SLC22A12: variants seen among roughly 807,000 people sequenced by gnomAD.
SLC22A12 encodes the protein solute carrier family 22 member 12, also known as organic anion transporter 4-like protein.
In SLC22A12, 56 loss-of-function variants were observed where a neutral mutation model predicts 52.7. The observed-to-expected ratio is 1.06, with a 90% CI of 0.86 to 1.33. The LOEUF (loss-of-function observed/expected upper bound fraction) is 1.33. Among genes scored for constraint, SLC22A12 ranks in the 40% most tolerant of loss-of-function variants. The pLI is 0.00. For missense variants in SLC22A12, 683 were observed against 741.5 expected (o/e 0.92, Z 0.92); for synonymous variants, 337 against 324.6 (o/e 1.04, Z -0.41).
chr11:64,600,021 T>C, intron 7 of SLC22A12, 131 bp downstream of exon 7: 2 of 1,146,808 alleles, frequency 1.7e-6, no homozygotes. Context: ...CGGAGCCGTC[T>C]AGGGACAGAC....
intron 6 of SLC22A12, 112 bp downstream of exon 6, chr11:64,599,035 A>G: frequency 7.0e-7 from 1 of 1,419,666 alleles, no homozygotes; most frequent in Non-Finnish European, 9.6e-7. Flanking sequence ...GGCCTGCAAC[A>G]CCGACACCTT....
Position 64,602,256 on chromosome 11 carries a change from G to A in SLC22A12, c.*705G>A. 6.1e-6 allele frequency: 1 copy of A among 163,476 alleles called. No individual in the cohort carries two copies. The highest frequency in any genetic ancestry group is 1.3e-5 in the Non-Finnish European group (1 of 74,638). 10.1% of individuals were successfully genotyped at this position (163,476 alleles called of 1,614,324 possible). On this transcript the variant is annotated 3_prime_UTR_variant, in exon 10 of 10. Coordinates refer to ENST00000377574, the MANE Select transcript of SLC22A12 (RefSeq NM_144585.4). The stretch of plus-strand genomic sequence containing the variant: ...GCCTATGAGTTCCCAGAGGGTTGGG[G>A]CAGTCCCATGACCCCATGTCCCAGC...
Position 64,592,888 on chromosome 11 carries a change from T to C in SLC22A12, c.506+6T>C, listed in dbSNP as rs1206104547. The C allele has an allele frequency of 6.2e-7, 1 of 1,611,946 alleles. No homozygotes were observed. Among genetic ancestry groups the C allele is most frequent in the African/African-American group, 1.3e-5 (1 of 74,880 alleles). ...TGCGGCCCTGCCTCAGACAGGTGAG[T>C]ACCCCCAGTCCAGGCAGGTCCCAGT... On this transcript the variant is annotated splice_donor_region_variant and intron_variant, in intron 2 of 9. Coordinates refer to ENST00000377574, the MANE Select transcript of SLC22A12 (RefSeq NM_144585.4).
In SLC22A12 at chr11:64,591,581, C is replaced by T. The variant is rs2038916657; in HGVS notation, c.25C>T (p.Leu9Phe). MAFSELLDLVGGLGRFQVL... is the reference protein window; with the variant it reads MAFSELLDFVGGLGRFQVL... ...CATGGCATTTTCTGAACTCCTGGAC[C>T]TCGTGGGTGGCCTGGGCAGGTTCCA... The change falls in exon 1 of 10, where the codon CTC becomes TTC. Residue 9 changes from leucine (L) to phenylalanine (F), a missense_variant. Leu to Phe is a conservative substitution (Grantham distance 22). Coordinates refer to ENST00000377574, the MANE Select transcript of SLC22A12 (RefSeq NM_144585.4). 1.2e-6 allele frequency: 2 copies of T among 1,612,880 alleles called. No homozygotes were observed. The highest frequency in any genetic ancestry group is 1.7e-6 in the Non-Finnish European group (2 of 1,180,034).
In SLC22A12 at chr11:64,600,470, G is replaced by T. The variant is rs776529282; in HGVS notation, c.1389G>T (p.Val463=). The T allele has an allele frequency of 6.2e-7, 1 of 1,600,560 alleles. No individual in the cohort carries two copies. The highest frequency in any genetic ancestry group is 1.1e-5 in the South Asian group (1 of 89,072). ...ACAGCAGCGAGCTCTTCCCCACTGTGCTCAGGTGAGGCTGGGCCTGGGCTC... is the reference window on the plus strand; with the variant it reads ...ACAGCAGCGAGCTCTTCCCCACTGTTCTCAGGTGAGGCTGGGCCTGGGCTC... The part of the protein sequence containing the change: ...TIYSSELFPT[V]LRMTAVGLGQ... Residue 463 remains valine, a synonymous_variant, in exon 8 of 10, where the codon GTG becomes GTT. Coordinates refer to ENST00000377574, the MANE Select transcript of SLC22A12 (RefSeq NM_144585.4).
intron 8 of SLC22A12, 41 bp from the exon 9 acceptor site, chr11:64,600,694 G>A (rs151049926): frequency 6.9e-6 from 11 of 1,600,970 alleles, no homozygotes; most frequent in East Asian, 2.2e-5. Flanking sequence ...AAGGCTGTGG[G>A]CACACAGACC....
chr11:64,601,686 G>A lies in SLC22A12; in HGVS notation c.*135G>A, dbSNP rs2039459639. On this transcript the variant is annotated 3_prime_UTR_variant, in exon 10 of 10. Coordinates refer to ENST00000377574, the MANE Select transcript of SLC22A12 (RefSeq NM_144585.4). ...CTCTGAGGTCCCCACTCTCCCCCAG[G>A]GCTGCCCCTCCAGGTGAGCCCTGCC... 7 of 975,410 alleles carry A rather than the reference G, an allele frequency of 7.2e-6. No individual in the cohort carries two copies. The highest frequency in any genetic ancestry group is 2.8e-5 in the South Asian group (2 of 71,854). 60.4% of individuals were successfully genotyped at this position (975,410 alleles called of 1,614,324 possible).
chr11:64,592,476 G>A (rs1012855300), intron 1 of SLC22A12, among the ~76,000 whole-genome samples: 2 of 152,198 alleles, frequency 1.3e-5, no homozygotes, highest in East Asian at 1.9e-4. Flanking sequence ...GGGTGAGGGT[G>A]TCAGCTTGGG....
At chr11:64,593,860 G>A in intron 4 of SLC22A12, 57 bp downstream of exon 4, 1 of 1,576,348 alleles carries the variant, frequency 6.3e-7, no homozygotes, top group Non-Finnish European at 8.6e-7. Flanking sequence ...TCTCCACCCG[G>A]GGGAATGGGA....
chr11:64,595,023 T>TGGATGGG (rs2039072611), intron 4 of SLC22A12, among the ~76,000 whole-genome samples: 1 of 11,692 alleles, frequency 8.6e-5, no homozygotes, highest in African/African-American at 1.4e-4. Flanking sequence ...GGATGGATGG[T>TGGATGGG]TGGAATAGAT....
chr11:64,599,591 G>GCCCCCCCCCCCCCCTTTT, intron 6 of SLC22A12, 85 bp from the exon 7 acceptor site: 2 of 617,180 alleles, frequency 3.2e-6, no homozygotes, highest in Non-Finnish European at 4.8e-6. Flanking sequence ...CCCACCCTGA[G>GCCCCCCCCCCCCCCTTTT]CCCCCACCGC....
In SLC22A12 at chr11:64,591,644, T is replaced by C; in HGVS notation, c.88T>C (p.Trp30Arg). ...GATGGCTCTGATGGTCTCCATCATG[T>C]GGCTGTGTACCCAGAGCATGCTGGA... ...QTMALMVSIM[W>R]LCTQSMLENF... The change falls in exon 1 of 10, where the codon TGG (tryptophan) becomes CGG (arginine). Residue 30 changes from tryptophan (W) to arginine (R), a missense_variant. Coordinates refer to ENST00000377574, the MANE Select transcript of SLC22A12 (RefSeq NM_144585.4). 1 of 1,613,260 alleles carries C rather than the reference T, an allele frequency of 6.2e-7. No individual in the cohort carries two copies. The highest frequency in any genetic ancestry group is 8.5e-7 in the Non-Finnish European group (1 of 1,180,028).
rs1224274500 is a variant in SLC22A12 at position 64,591,278 on chromosome 11, G to A, written c.-279G>A. The A allele has an allele frequency of 3.9e-5, 19 of 492,086 alleles. No individual in the cohort carries two copies. The highest frequency in any genetic ancestry group is 6.5e-5 in the Non-Finnish European group (18 of 276,126). The allele number at this position is 492,086 out of a possible 1,614,324, so 30.5% of individuals were successfully genotyped here. ...CCTACTTTCCAAATTCAGCTTTCCC[G>A]GGAGGTCTGGAGCAGCTGCCTCTCT... On this transcript the variant is annotated 5_prime_UTR_variant, in exon 1 of 10. Coordinates refer to ENST00000377574, the MANE Select transcript of SLC22A12 (RefSeq NM_144585.4).
At chr11:64,593,029 C>A in intron 2 of SLC22A12, 147 bp downstream of exon 2, 1 of 707,972 alleles carries the variant, frequency 1.4e-6, no homozygotes, top group Admixed American at 2.3e-5. Flanking sequence ...ACCAGCCACC[C>A]TGCAGCCGTG....
chr11:64,599,915 G>A, intron 7 of SLC22A12, 25 bp downstream of exon 7: 1 of 1,607,218 alleles, frequency 6.2e-7, no homozygotes, highest in South Asian at 1.1e-5. Context: ...CTGTACACCA[G>A]AGACTTCCCT....
At chr11:64,596,283 G>GATGGATGGATGGATGGCTGA (rs2039232899) in intron 4 of SLC22A12, among the ~76,000 whole-genome samples, 1 of 145,054 alleles carries the variant, frequency 6.9e-6, no homozygotes, top group Non-Finnish European at 1.5e-5. Context: ...TGGATGGATG[G>GATGGATGGATGGATGGCTGA]ATGGATGGCT....
At position 64,591,885 on chromosome 11, in the gene SLC22A12, AG is replaced by A; in HGVS notation, c.331del (p.Ala111ProfsTer34). ...DPNATATSWS[E>X]ADTEPCVDGW... ...AATGCCACGGCCACCAGCTGGAGCG[AG>A]GCCGACACGGAGCCGTGTGTGGATG... On this transcript the variant is annotated frameshift_variant, in exon 1 of 10. Transcript: ENST00000377574. LOFTEE classifies it high-confidence loss of function. 6.2e-7 allele frequency: 1 copy of A among 1,612,732 alleles called. No homozygotes were observed. The highest frequency in any genetic ancestry group is 8.5e-7 in the Non-Finnish European group (1 of 1,180,020).
In SLC22A12 at chr11:64,591,519, G is replaced by A. The variant is rs757084642; in HGVS notation, c.-38G>A. On this transcript the variant is annotated 5_prime_UTR_variant, in exon 1 of 10. Coordinates refer to ENST00000377574, the MANE Select transcript of SLC22A12 (RefSeq NM_144585.4). ...CTCTTTGCCCTGGGCCAGCCTTTGT[G>A]AAGTGGGCCCCTCTTCTGGGCCCCT... 1 of 1,606,278 alleles carries A rather than the reference G, an allele frequency of 6.2e-7. No homozygotes were observed. The highest frequency in any genetic ancestry group is 8.5e-7 in the Non-Finnish European group (1 of 1,179,902).
At chr11:64,594,486 A>ATAGGTAGGTAGG (rs60103042) in intron 4 of SLC22A12, among the ~76,000 whole-genome samples, 1 of 151,468 alleles carries the variant, frequency 6.6e-6, no homozygotes, top group Non-Finnish European at 1.5e-5. Context: ...AAATAGATAG[A>ATAGGTAGGTAGG]TAGGTAGGTA....
Sources: gnomAD v4.1 joint callset for allele counts (sites outside exome capture counted in the v4.1 genomes callset) on GRCh38, gnomAD v4.1.1 for gene constraint, MANE v1.5 for transcripts, NCBI Gene and HGNC (gene_info 2026-07-23, HGNC 2026-07-21) for gene names.